Variants in WASHC2A observed in about 807,000 individuals in gnomAD.
WASHC2A encodes the protein WASH complex subunit 2A.
In WASHC2A, 82 loss-of-function variants were observed where a neutral mutation model predicts 140.3. That is an observed-to-expected ratio of 0.58 (90% confidence interval 0.49 to 0.70). The LOEUF (loss-of-function observed/expected upper bound fraction) is 0.70, where lower values mean the gene tolerates loss of function less well. WASHC2A is among the 30% of genes least tolerant of loss of function. The probability of loss-of-function intolerance (pLI) is 0.00; values close to 1 mark genes in which losing one functional copy is unlikely to be tolerated. For synonymous variants in WASHC2A, 340 were observed against 560.8 expected, an observed-to-expected ratio of 0.61 and a Z score of 5.56; for missense variants, 985 against 1,521.8, an observed-to-expected ratio of 0.65 and a Z score of 5.87.
intron 20 of WASHC2A, among the ~76,000 whole-genome samples, chr10:50,111,388 G>C (rs1182235078): frequency 6.6e-6 from 1 of 151,810 alleles, no homozygotes; most frequent in Non-Finnish European, 1.5e-5. Flanking sequence ...CTCTGATTTA[G>C]AATATAGGCT....
chr10:50,114,544 A>AT (rs1326146592), intron 21 of WASHC2A, among the ~76,000 whole-genome samples: 4 of 144,388 alleles, frequency 2.8e-5, no homozygotes, highest in East Asian at 4.0e-4. Context: ...AAAAAAAAAA[A>AT]GCGTAAACAC....
At chr10:50,132,776 A>G in intron 30 of WASHC2A, 30 bp from the exon 31 acceptor site, 1 of 1,612,012 alleles carries the variant, frequency 6.2e-7, no homozygotes, top group Non-Finnish European at 8.5e-7. Context: ...ACCCCTCTTC[A>G]GCAACCGTTC....
chr10:50,073,142 C>G (rs1179481944), intron 3 of WASHC2A, among the ~76,000 whole-genome samples: 1 of 152,060 alleles, frequency 6.6e-6, no homozygotes, highest in African/African-American at 2.4e-5. Context: ...AATTCTAAAG[C>G]CTTAATTATC....
At chr10:50,072,553 C>T (rs1554876604) in intron 3 of WASHC2A, among the ~76,000 whole-genome samples, 2 of 123,452 alleles carry the variant, frequency 1.6e-5, no homozygotes, top group African/African-American at 5.9e-5. Flanking sequence ...GTGGTGCAAT[C>T]TCAGCCCACT....
intron 5 of WASHC2A, among the ~76,000 whole-genome samples, chr10:50,081,200 G>A (rs1455146629): frequency 7.5e-6 from 1 of 132,548 alleles, no homozygotes; most frequent in African/African-American, 2.8e-5. Context: ...TGGGAGAGAG[G>A]AGACATACAT....
intron 25 of WASHC2A, 117 bp from the exon 26 acceptor site, chr10:50,125,940 C>T: frequency 8.0e-7 from 1 of 1,249,726 alleles, no homozygotes. Flanking sequence ...TTGGTTCAGC[C>T]CTCATTTGAG....
intron 4 of WASHC2A, among the ~76,000 whole-genome samples, chr10:50,079,328 G>A (rs2458465): frequency 3.3e-5 from 5 of 152,140 alleles, no homozygotes; most frequent in South Asian, 2.1e-4. Context: ...AAGGGTATTC[G>A]AAACCAGCTA....
chr10:50,072,435 ACT>A (rs1474149666), intron 3 of WASHC2A, among the ~76,000 whole-genome samples: 1 of 149,356 alleles, frequency 6.7e-6, no homozygotes, highest in Non-Finnish European at 1.5e-5. Context: ...GCTTAATAAA[ACT>A]CTGAAAAAAT....
intron 30 of WASHC2A, 127 bp from the exon 31 acceptor site, chr10:50,132,679 A>C: frequency 4.6e-6 from 7 of 1,520,618 alleles, no homozygotes; most frequent in Non-Finnish European, 6.4e-6. Flanking sequence ...CTTGAGTTCT[A>C]GGTTAGTGTT....
chr10:50,100,336 G>T (rs1311083100), intron 17 of WASHC2A, among the ~76,000 whole-genome samples: 2 of 151,316 alleles, frequency 1.3e-5, no homozygotes, highest in African/African-American at 2.4e-5. Context: ...ACAAAAATTA[G>T]CTGGGTATGG....
rs2132616270 is a variant in WASHC2A, at chr10:50,095,123, G to T, written c.1181-25G>T. 8 of 1,554,726 alleles carry T rather than the reference G, an allele frequency of 5.1e-6. No homozygotes were observed. The East Asian group carries it at 6.8e-5, about 13-fold the overall frequency. On this transcript the variant is annotated intron_variant, in intron 13 of 30. Coordinates refer to ENST00000282633, the MANE Select transcript of WASHC2A (RefSeq NM_001005751.3). The stretch of plus-strand genomic sequence containing the variant: ...GGAAAGTTATTTCCCTTGTAAAATG[G>T]TTACCCCTTGCTTTCTCATTCTAGA...
Position 50,129,493 on chromosome 10 carries a change from C to T in WASHC2A, c.3162C>T (p.Ser1054=), listed in dbSNP as rs749283531. ...GGCGGCTGGCTGCTCAGGAGTCCAG[C>T]GAGACTGAGGACATGAGCGTCCCCA... The part of the protein sequence containing the change: ...AARRLAAQES[S]ETEDMSVPRG... Residue 1054 remains serine (S), a synonymous_variant, in exon 29 of 31, where the codon AGC becomes AGT. Coordinates refer to ENST00000282633, the MANE Select transcript of WASHC2A (RefSeq NM_001005751.3). 2.0e-5 allele frequency: 33 copies of T among 1,611,900 alleles called. No homozygotes were observed. Among genetic ancestry groups the T allele is most frequent in the South Asian group, 3.3e-5 (3 of 90,992 alleles).
rs1343590725 is a variant in WASHC2A at position 50,069,254 on chromosome 10, G to T, written c.127-293G>T. 2.0e-5 allele frequency among the ~76,000 whole-genome samples: 3 copies of T among 150,822 alleles called. No homozygotes were observed. The East Asian group carries it at 5.8e-4, about 29-fold the overall frequency. ...AGCCTGGCCAACATGGTGAAACCCC[G>T]TCTCTACTAAAAATACACAAAATTA... On this transcript the variant is annotated intron_variant, in intron 2 of 30. Transcript: ENST00000282633.
intron 28 of WASHC2A, among the ~76,000 whole-genome samples, chr10:50,128,946 T>C (rs1843681901): frequency 6.6e-6 from 1 of 151,786 alleles, no homozygotes; most frequent in Non-Finnish European, 1.5e-5. Context: ...CCTCTCTTTA[T>C]TGTGTCATGT....
chr10:50,099,964 C>T lies in WASHC2A; in HGVS notation c.1549-14C>T, dbSNP rs201105382. The T allele has an allele frequency of 1.9e-5, 25 of 1,351,198 alleles. 1 individual carries two copies. Among genetic ancestry groups the T allele is most frequent in the East Asian group, 1.5e-4 (4 of 27,002 alleles). 83.7% of individuals were successfully genotyped at this position (1,351,198 alleles called of 1,614,324 possible). On this transcript the variant is annotated splice_polypyrimidine_tract_variant and intron_variant, in intron 16 of 30. Transcript: ENST00000282633. ...TTTTTTTCTTCCCCACCCCCCCCCC[C>T]ACCCCCGACAAAGGTTACCTTATCT... is the stretch of plus-strand genomic sequence containing the variant.
chr10:50,130,406 A>G (rs1490783004), intron 29 of WASHC2A, among the ~76,000 whole-genome samples: 2 of 149,544 alleles, frequency 1.3e-5, no homozygotes, highest in Non-Finnish European at 3.0e-5. Flanking sequence ...TTCTGGGGAC[A>G]TTGGCCCTGG....
At chr10:50,093,751 A>T in intron 12 of WASHC2A, 109 bp from the exon 13 acceptor site, 1 of 584,220 alleles carries the variant, frequency 1.7e-6, no homozygotes, top group Non-Finnish European at 3.1e-6. Context: ...CAGAGTAGTA[A>T]ATATGTAGCT....
intron 8 of WASHC2A, among the ~76,000 whole-genome samples, chr10:50,088,028 A>G (rs1447661309): frequency 1.3e-4 from 20 of 151,878 alleles, no homozygotes; most frequent in African/African-American, 4.6e-4. Context: ...CATGTTGGCC[A>G]GGCTGGTCTC....
At chr10:50,105,207 T>G (rs1253918108) in intron 18 of WASHC2A, among the ~76,000 whole-genome samples, 2 of 151,908 alleles carry the variant, frequency 1.3e-5, no homozygotes, top group Non-Finnish European at 2.9e-5. Context: ...TTTCCCATCC[T>G]GGCTGGAGAG....
Sources: gnomAD v4.1 joint callset for allele counts (sites outside exome capture counted in the v4.1 genomes callset) on GRCh38, gnomAD v4.1.1 for gene constraint, MANE v1.5 for transcripts, NCBI Gene and HGNC (gene_info 2026-07-23, HGNC 2026-07-21) for gene names.